ADGB: variants seen among roughly 807,000 people sequenced by gnomAD.
ADGB encodes androglobin.
ADGB carries 172 observed loss-of-function variants against 210.5 expected under a neutral mutation model. That is an observed-to-expected ratio of 0.82 (90% CI 0.72 to 0.93). The LOEUF (loss-of-function observed/expected upper bound fraction) is 0.93. Ranked by LOEUF, ADGB falls within the 40% of genes least tolerant of loss-of-function variation. The pLI, the probability that ADGB is intolerant of heterozygous loss-of-function variation, is 0.00. For missense variants in ADGB, 2,025 were observed against 1,964.8 expected (o/e 1.03, Z -0.58); for synonymous variants, 658 against 662.7 (o/e 0.99, Z 0.11).
intron 13 of ADGB, among the ~76,000 whole-genome samples, chr6:146,708,705 G>T (rs6934252): frequency 0.062 from 9,352 of 151,978 alleles, 925 homozygotes; most frequent in African/African-American, 0.21. Flanking sequence ...GATTAAATCT[G>T]ATTTTGAAGA....
intron 3 of ADGB, among the ~76,000 whole-genome samples, chr6:146,646,158 AT>A (rs1163621541): frequency 1.3e-5 from 2 of 152,048 alleles, no homozygotes; most frequent in African/African-American, 4.8e-5. Flanking sequence ...CTGCCCAGTA[AT>A]TTGGGGTGGC....
intron 1 of ADGB, among the ~76,000 whole-genome samples, chr6:146,621,698 G>A (rs1202720696): frequency 1.3e-5 from 2 of 152,142 alleles, no homozygotes; most frequent in Non-Finnish European, 2.9e-5. Context: ...TGTGGGGGAA[G>A]TGATGATGCT....
At chr6:146,803,737 T>G in intron 35 of ADGB, 1 of 837,908 alleles carries the variant, frequency 1.2e-6, no homozygotes, top group Non-Finnish European at 1.9e-6. Flanking sequence ...CGCCTCATGG[T>G]ACCGCGGCGC....
chr6:146,681,188 A>G (rs1231204821), intron 9 of ADGB, among the ~76,000 whole-genome samples: 1 of 152,146 alleles, frequency 6.6e-6, no homozygotes, highest in Non-Finnish European at 1.5e-5. Flanking sequence ...AGTGGACCTG[A>G]AGGCAGATCC....
intron 10 of ADGB, 139 bp from the exon 11 acceptor site, chr6:146,690,977 A>G (rs1380599730): frequency 1.9e-6 from 1 of 517,366 alleles, no homozygotes; most frequent in Non-Finnish European, 3.2e-6. Flanking sequence ...TAATGCTTAT[A>G]TTAAGAGAGG....
chr6:146,734,044 A>C lies in ADGB; in HGVS notation c.2794+14A>C, dbSNP rs752600812. On this transcript the variant is annotated intron_variant, in intron 22 of 35. Transcript: ENST00000397944. ...CCAGAATACCAGGTATGATTGTCCA[A>C]ACATTTATAAAATGAACTTGTTTGT... 19 of 1,545,446 alleles carry C rather than the reference A, an allele frequency of 1.2e-5. No homozygotes were observed. The highest frequency in any genetic ancestry group is 1.5e-5 in the Non-Finnish European group (17 of 1,144,750).
chr6:146,667,484 G>A (rs1425504208), intron 7 of ADGB, among the ~76,000 whole-genome samples: 2 of 152,004 alleles, frequency 1.3e-5, no homozygotes, highest in East Asian at 1.9e-4. Flanking sequence ...CAAATAGAGG[G>A]AAAACAGAGT....
chr6:146,671,113 A>G (rs1464932069), intron 7 of ADGB, among the ~76,000 whole-genome samples: 1 of 152,190 alleles, frequency 6.6e-6, no homozygotes, highest in Non-Finnish European at 1.5e-5. Context: ...GGTAAATAGG[A>G]TCTAGATAGA....
chr6:146,654,759 G>A (rs879458007), intron 4 of ADGB, among the ~76,000 whole-genome samples: 2 of 152,022 alleles, frequency 1.3e-5, no homozygotes, highest in Admixed American at 1.3e-4. Flanking sequence ...TTATTATTGT[G>A]TCTGCCAGTT....
intron 1 of ADGB, among the ~76,000 whole-genome samples, chr6:146,611,551 T>A (rs528609977): frequency 7.2e-5 from 11 of 152,290 alleles, no homozygotes; most frequent in Non-Finnish European, 1.6e-4. Context: ...GACCACTCCA[T>A]GCCTATTTAT....
chr6:146,740,352 A>G (rs1777146955), intron 23 of ADGB, 107 bp from the exon 24 acceptor site: 1 of 1,020,010 alleles, frequency 9.8e-7, no homozygotes, highest in Non-Finnish European at 1.4e-6. Flanking sequence ...CTAGCCAACA[A>G]TGACTTGCAA....
At chr6:146,785,864 A>G (rs1777865356) in intron 32 of ADGB, among the ~76,000 whole-genome samples, 152 bp downstream of exon 32, 1 of 152,098 alleles carries the variant, frequency 6.6e-6, no homozygotes, top group Non-Finnish European at 1.5e-5. Context: ...ATTTCAGATA[A>G]CTATATGAAT....
At chr6:146,716,524 C>T (rs1397592308) in intron 14 of ADGB, among the ~76,000 whole-genome samples, 2 of 113,334 alleles carry the variant, frequency 1.8e-5, no homozygotes, top group East Asian at 2.5e-4. Flanking sequence ...ACCCGGGAAG[C>T]GGAGCTTGCA....
rs1583603322 is a variant in ADGB at position 146,716,874 on chromosome 6, G to A, written c.1742-9G>A. 1 of 1,533,872 alleles carries A rather than the reference G, an allele frequency of 6.5e-7. No homozygotes were observed. The highest frequency in any genetic ancestry group is 2.5e-5 in the East Asian group (1 of 40,530). On this transcript the variant is annotated splice_polypyrimidine_tract_variant and intron_variant, in intron 14 of 35. Transcript: ENST00000397944. ...AATATAAGATGTGTTTGACATGTGT[G>A]TCTTCTAGGCACAGATGAACAAACA...
chr6:146,709,515 A>G (rs1776627185), intron 13 of ADGB, among the ~76,000 whole-genome samples: 1 of 152,148 alleles, frequency 6.6e-6, no homozygotes, highest in Non-Finnish European at 1.5e-5. Flanking sequence ...GATTGGGTCT[A>G]GAATGTATGT....
intron 16 of ADGB, among the ~76,000 whole-genome samples, chr6:146,718,995 C>G (rs1776776466): frequency 6.6e-6 from 1 of 152,174 alleles, no homozygotes. Flanking sequence ...GCATAATGTA[C>G]AGTTTACAGT....
At chr6:146,660,462 T>G (rs1451136245) in intron 5 of ADGB, among the ~76,000 whole-genome samples, 1 of 152,148 alleles carries the variant, frequency 6.6e-6, no homozygotes, top group Non-Finnish European at 1.5e-5. Context: ...CTTTCTTCTA[T>G]TCTTATAAAC....
chr6:146,686,124 A>T (rs939822072), intron 10 of ADGB, among the ~76,000 whole-genome samples: 5 of 152,040 alleles, frequency 3.3e-5, no homozygotes, highest in Non-Finnish European at 7.4e-5. Flanking sequence ...AAGATACAGG[A>T]TTTATGTATT....
rs536657372 is a variant in ADGB at position 146,650,531 on chromosome 6, CAT to C, written c.331-3603_331-3602del. Among the ~76,000 whole-genome samples, 37 of 121,404 alleles carry C rather than the reference CAT, an allele frequency of 3.0e-4. No individual in the cohort carries two copies. In the South Asian group the frequency reaches 5.2e-3, roughly 17 times the overall value. 79.6% of individuals were successfully genotyped at this position (121,404 alleles called of 152,430 possible). On this transcript the variant is annotated intron_variant, in intron 3 of 35. Transcript: ENST00000397944. ...CCCAGGTAAACTAGAAAATAATTCA[CAT>C]GTTTTTTTTTTTCCTGCACAAAGCT...
Sources: gnomAD v4.1 joint callset for allele counts (sites outside exome capture counted in the v4.1 genomes callset) on GRCh38, gnomAD v4.1.1 for gene constraint, MANE v1.5 for transcripts, NCBI Gene and HGNC (gene_info 2026-07-23, HGNC 2026-07-21) for gene names.